Variants in SNX13 observed in about 807,000 individuals in gnomAD.
The protein encoded by SNX13 is sorting nexin-13.
In SNX13, 45 loss-of-function variants were observed where a neutral mutation model predicts 133.6. That is an observed-to-expected ratio of 0.34 (90% CI 0.27 to 0.43). The LOEUF (loss-of-function observed/expected upper bound fraction) is 0.43, where lower values mean the gene tolerates loss of function less well. Among genes scored for constraint, SNX13 ranks in the 20% least tolerant of loss-of-function variants. SNX13 has a pLI of 1.00. For synonymous variants in SNX13, 414 were observed against 373.9 expected, an observed-to-expected ratio of 1.11 and a Z score of -1.24; for missense variants, 1,032 against 1,145.1, an observed-to-expected ratio of 0.90 and a Z score of 1.43.
intron 13 of SNX13, 69 bp downstream of exon 13, chr7:17,839,738 A>T: frequency 1.5e-6 from 2 of 1,295,212 alleles, no homozygotes; most frequent in Non-Finnish European, 2.1e-6. Flanking sequence ...GCCTGGCATA[A>T]GCAATGGATT....
At chr7:17,902,453 CA>C (rs1226770824) in intron 1 of SNX13, among the ~76,000 whole-genome samples, 1 of 152,034 alleles carries the variant, frequency 6.6e-6, no homozygotes, top group Non-Finnish European at 1.5e-5. Context: ...GTCCAAAAAT[CA>C]AGTTATGTTA....
chr7:17,888,845 A>C (rs1048240391), intron 5 of SNX13: 1 of 406,982 alleles, frequency 2.5e-6, no homozygotes, highest in African/African-American at 2.1e-5. Context: ...ATATGAGAAA[A>C]ACCAAGGTTC....
intron 5 of SNX13, chr7:17,888,895 G>T: frequency 3.5e-6 from 1 of 284,576 alleles, no homozygotes; most frequent in Non-Finnish European, 7.0e-6. Flanking sequence ...ATAGCTAGAG[G>T]TGGAGCTAGA....
Position 17,919,294 on chromosome 7 carries a change from G to T in SNX13, c.12+20990C>A, listed in dbSNP as rs1799879338. ...CCATATACACCTAAAAATCAGAAAAGCCATAAATACTAAATAACCTACTTA... is the reference window on the plus strand; with the variant it reads ...CCATATACACCTAAAAATCAGAAAATCCATAAATACTAAATAACCTACTTA... On this transcript the variant is annotated intron_variant, in intron 1 of 25. Coordinates refer to ENST00000428135, the MANE Select transcript of SNX13 (RefSeq NM_015132.5). 2.0e-5 allele frequency among the ~76,000 whole-genome samples: 3 copies of T among 152,050 alleles called. 1 individual carries two copies. The South Asian group carries it at 6.2e-4, about 32-fold the overall frequency.
intron 1 of SNX13, chr7:17,898,747 A>T (rs954054149): frequency 6.6e-6 from 1 of 152,166 alleles, no homozygotes; most frequent in Non-Finnish European, 1.5e-5. Context: ...ATAAACAGAA[A>T]TCCTGGATAA....
At chr7:17,795,676 A>G (rs778044055) in intron 25 of SNX13, 11 of 151,952 alleles carry the variant, frequency 7.2e-5, no homozygotes, top group South Asian at 2.1e-4. Flanking sequence ...GAAGGCAAAC[A>G]TAAGTGCAAA....
At chr7:17,860,728 T>C (rs978968070) in intron 9 of SNX13, among the ~76,000 whole-genome samples, 1 of 152,188 alleles carries the variant, frequency 6.6e-6, no homozygotes, top group Non-Finnish European at 1.5e-5. Context: ...TTCTTTCCCA[T>C]TTTGTAGCCT....
intron 8 of SNX13, among the ~76,000 whole-genome samples, chr7:17,872,488 A>G (rs1794230814): frequency 6.6e-6 from 1 of 152,176 alleles, no homozygotes; most frequent in Admixed American, 6.5e-5. Context: ...GAATCTAGTG[A>G]TAGACATCCA....
chr7:17,867,126 T>A (rs775754852), intron 9 of SNX13, among the ~76,000 whole-genome samples: 6 of 152,186 alleles, frequency 3.9e-5, no homozygotes, highest in Non-Finnish European at 8.8e-5. Flanking sequence ...TAGTTTTAAT[T>A]GTGCAGATAT....
Position 17,834,068 on chromosome 7 carries a change from G to A in SNX13, c.1581C>T (p.Ser527=), listed in dbSNP as rs776565277. ...CCACCTTACCTCCATCCCCATCATC[G>A]GATCCTCTGAAACTAGGATCTTTTA... is the stretch of plus-strand genomic sequence containing the variant. ...DMLKDPSFRG[S]DDGDGESFNG... The change falls in exon 15 of 26, where the codon TCC becomes TCT. Residue 527 remains serine (S), a synonymous_variant. Transcript: ENST00000428135. 8 of 1,566,644 alleles carry A rather than the reference G, an allele frequency of 5.1e-6. No homozygotes were observed. Among genetic ancestry groups the A allele is most frequent in the African/African-American group, 1.4e-5 (1 of 73,902 alleles).
At chr7:17,915,180 T>C (rs1391234901) in intron 1 of SNX13, among the ~76,000 whole-genome samples, 1 of 152,190 alleles carries the variant, frequency 6.6e-6, no homozygotes, top group East Asian at 1.9e-4. Context: ...CTGTCCTCAA[T>C]ATACACACAC....
intron 9 of SNX13, among the ~76,000 whole-genome samples, chr7:17,862,499 G>A (rs1792836641): frequency 6.6e-6 from 1 of 152,084 alleles, no homozygotes; most frequent in South Asian, 2.1e-4. Flanking sequence ...TATATCCTAT[G>A]AGAATTACAG....
intron 20 of SNX13, among the ~76,000 whole-genome samples, chr7:17,805,257 G>GCA (rs1785140703): frequency 6.8e-6 from 1 of 146,906 alleles, no homozygotes; most frequent in African/African-American, 2.6e-5. Flanking sequence ...GTGTGCGTGC[G>GCA]CGCGCGCGCA....
At chr7:17,798,544 A>C in intron 24 of SNX13, 146 bp downstream of exon 24, 1 of 594,618 alleles carries the variant, frequency 1.7e-6, no homozygotes, top group Admixed American at 3.5e-5. Context: ...AATGTTTAGT[A>C]TAATTCTTAG....
At chr7:17,843,603 A>G (rs1418303831) in intron 12 of SNX13, among the ~76,000 whole-genome samples, 1 of 152,038 alleles carries the variant, frequency 6.6e-6, no homozygotes, top group East Asian at 1.9e-4. Context: ...ACACTTCCCA[A>G]CAACAGCATA....
At chr7:17,826,351 T>C (rs1440007489) in intron 16 of SNX13, among the ~76,000 whole-genome samples, 26 of 152,030 alleles carry the variant, frequency 1.7e-4, no homozygotes, top group Admixed American at 1.7e-3. Context: ...TAATTGCTTG[T>C]CCATCTACTG....
chr7:17,854,180 A>T (rs984536968), intron 9 of SNX13, among the ~76,000 whole-genome samples: 3 of 152,156 alleles, frequency 2.0e-5, no homozygotes, highest in African/African-American at 4.8e-5. Flanking sequence ...CTGTGGAGTA[A>T]ATTATGCATG....
intron 5 of SNX13, chr7:17,882,226 T>C (rs1201337972): frequency 6.6e-6 from 1 of 152,144 alleles, no homozygotes; most frequent in African/African-American, 2.4e-5. Context: ...AGGCAAACAA[T>C]TGTGTACATC....
chr7:17,928,941 T>C (rs1473448233), intron 1 of SNX13, among the ~76,000 whole-genome samples: 1 of 152,130 alleles, frequency 6.6e-6, no homozygotes, highest in East Asian at 1.9e-4. Flanking sequence ...AAAAAGTATA[T>C]AAACCATTCT....
Sources: gnomAD v4.1 joint callset for allele counts (sites outside exome capture counted in the v4.1 genomes callset) on GRCh38, gnomAD v4.1.1 for gene constraint, MANE v1.5 for transcripts, NCBI Gene and HGNC (gene_info 2026-07-23, HGNC 2026-07-21) for gene names.